OXTR: variants seen among roughly 807,000 people sequenced by gnomAD.
OXTR encodes oxytocin receptor.
Under a neutral mutation model 23.9 loss-of-function variants are expected in OXTR, and 19 were observed. The observed-to-expected ratio is 0.80, with a 90% CI of 0.56 to 1.17. The LOEUF (loss-of-function observed/expected upper bound fraction) is 1.17, where lower values mean the gene tolerates loss of function less well. Ranked by LOEUF, OXTR falls within the 50% of genes most tolerant of loss-of-function variation. The pLI, the probability that OXTR is intolerant of heterozygous loss-of-function variation, is 0.00. For synonymous variants in OXTR, 278 were observed against 250.5 expected, an observed-to-expected ratio of 1.11 and a Z score of -1.04; for missense variants, 500 against 550.7, an observed-to-expected ratio of 0.91 and a Z score of 0.92.
intron 3 of OXTR, among the ~76,000 whole-genome samples, chr3:8,766,569 T>C (rs1708612429): frequency 6.6e-6 from 1 of 152,048 alleles, no homozygotes; most frequent in Admixed American, 6.5e-5. Context: ...GTCTCAGTCC[T>C]GGGCGCTCTC....
At chr3:8,763,905 G>GT (rs558491507) in intron 3 of OXTR, among the ~76,000 whole-genome samples, 209 of 152,068 alleles carry the variant, frequency 1.4e-3, no homozygotes, top group African/African-American at 4.6e-3. Context: ...TATTGTAATA[G>GT]TTTTTTTTCC....
At chr3:8,758,513 G>A (rs1708422600) in intron 3 of OXTR, among the ~76,000 whole-genome samples, 3 of 152,132 alleles carry the variant, frequency 2.0e-5, no homozygotes, top group Admixed American at 6.5e-5. Flanking sequence ...AGGACTGTGC[G>A]GGCATCTGGG....
chr3:8,763,898 T>C (rs1305763247), intron 3 of OXTR, among the ~76,000 whole-genome samples: 1 of 152,178 alleles, frequency 6.6e-6, no homozygotes, highest in Admixed American at 6.6e-5. Context: ...TTACTATTAT[T>C]GTAATAGTTT....
intron 3 of OXTR, among the ~76,000 whole-genome samples, chr3:8,766,599 A>G (rs237897): frequency 0.65 from 97,943 of 151,322 alleles, 32,558 homozygotes; most frequent in African/African-American, 0.79. Flanking sequence ...CCTGCCCACC[A>G]CTCCTTGCAG....
downstream of OXTR, among the ~76,000 whole-genome samples, chr3:8,749,842 G>A (rs1708223014): frequency 6.6e-6 from 1 of 152,206 alleles, no homozygotes; most frequent in African/African-American, 2.4e-5. Flanking sequence ...ATGCGCGTGT[G>A]TGTGGCTATG....
Position 8,753,020 on chromosome 3 carries a change from C to T in OXTR, c.1127G>A (p.Arg376His), listed in dbSNP as rs769146293. Reference sequence around the variant, plus strand: ...GGAGCAGCTCCTCTGGCTGGAGCTGCGATGGCTCAGGACAAAGGAGGACGA... The same window carrying T: ...GGAGCAGCTCCTCTGGCTGGAGCTGTGATGGCTCAGGACAAAGGAGGACGA... ...SNSSSFVLSH[R>H]SSSQRSCSQP... Residue 376 changes from arginine to histidine, a missense_variant, in exon 4 of 4, where the codon CGC becomes CAC. Transcript: ENST00000316793. 3.6e-5 allele frequency: 58 copies of T among 1,613,866 alleles called. No homozygotes were observed. In the Admixed American group the frequency reaches 8.2e-4, roughly 23 times the overall value.
the OXTR span, chr3:8,742,326 T>C: frequency 3.6e-6 from 1 of 276,138 alleles, no homozygotes; most frequent in Non-Finnish European, 7.0e-6. Flanking sequence ...CTGGAAATAA[T>C]TCAAATGTTA....
downstream of OXTR, chr3:8,745,436 A>G (rs1420578042): frequency 2.5e-5 from 24 of 979,056 alleles, no homozygotes; most frequent in Non-Finnish European, 3.7e-5. The surrounding 1 kb of genome is among the most constrained non-coding windows in gnomAD (Gnocchi z 4.8). Flanking sequence ...CCTGACCTCT[A>G]GGGGATTCTG....
In OXTR at chr3:8,768,142, C is replaced by T. The variant is rs237906; in HGVS notation, c.46G>A (p.Ala16Thr). Residue 16 changes from alanine (A) to threonine (T), a missense_variant, in exon 3 of 4, where the codon GCC (alanine) becomes ACC (threonine). Coordinates refer to ENST00000316793, the MANE Select transcript of OXTR (RefSeq NM_000916.4). The surrounding 1 kb of genome is among the most constrained non-coding windows in gnomAD (Gnocchi z 5.4). ...TCGGCCCCCGGCGGCGCGGCGCTGG[C>T]GTTGGCTGCCTCGGCGCTCCAGTTG... Reference protein sequence around the residue: ...AANWSAEAANASAAPPGAEGN... With the variant: ...AANWSAEAANTSAAPPGAEGN... The T allele has an allele frequency of 7.5e-7, 1 of 1,340,946 alleles. No homozygotes were observed. The highest frequency in any genetic ancestry group is 3.1e-5 in the East Asian group (1 of 32,232). 83.1% of individuals were successfully genotyped at this position (1,340,946 alleles called of 1,614,324 possible). A position where few individuals can be genotyped will look rare whatever the true frequency, so the allele number is the denominator to read the frequency against.
At chr3:8,754,857 C>A (rs954559389) in intron 3 of OXTR, among the ~76,000 whole-genome samples, 2 of 152,170 alleles carry the variant, frequency 1.3e-5, no homozygotes, top group Non-Finnish European at 2.9e-5. Flanking sequence ...CCTGTTGGAA[C>A]AAGAGCAAGC....
downstream of OXTR, among the ~76,000 whole-genome samples, chr3:8,749,898 C>T (rs373369178): frequency 6.6e-6 from 1 of 152,162 alleles, no homozygotes; most frequent in African/African-American, 2.4e-5. Context: ...TATAAAGAGA[C>T]AGAGTGGATC....
chr3:8,748,194 G>A (rs1708200636), downstream of OXTR, among the ~76,000 whole-genome samples: 1 of 152,172 alleles, frequency 6.6e-6, no homozygotes, highest in Admixed American at 6.5e-5. Flanking sequence ...TGGGGCCCAG[G>A]AATCAGCATG....
In OXTR at chr3:8,753,021, G is replaced by C. The variant is rs35062132; in HGVS notation, c.1126C>G (p.Arg376Gly). 358 of 1,613,958 alleles carry C rather than the reference G, an allele frequency of 2.2e-4. 1 individual carries two copies. In the East Asian group the frequency reaches 6.5e-3, roughly 29 times the overall value. The stretch of plus-strand genomic sequence containing the variant: ...GAGCAGCTCCTCTGGCTGGAGCTGC[G>C]ATGGCTCAGGACAAAGGAGGACGAG... ...SNSSSFVLSHRSSSQRSCSQP... is the reference protein window; with the variant it reads ...SNSSSFVLSHGSSSQRSCSQP... The change falls in exon 4 of 4, where the codon CGC becomes GGC. Residue 376 changes from arginine (R) to glycine (G), a missense_variant. Arg to Gly is a moderately radical substitution (Grantham distance 125). Transcript: ENST00000316793.
intron 3 of OXTR, among the ~76,000 whole-genome samples, chr3:8,764,130 A>G (rs938215487): frequency 6.6e-6 from 1 of 152,172 alleles, no homozygotes; most frequent in African/African-American, 2.4e-5. Flanking sequence ...TGAAGCAGAG[A>G]GGGACTTCGG....
In OXTR at chr3:8,760,364, G is replaced by T. The variant is rs115560125; in HGVS notation, c.922+6902C>A. Among the ~76,000 whole-genome samples, 866 of 152,352 alleles carry T rather than the reference G, an allele frequency of 5.7e-3. 4 individuals carry two copies. The highest frequency in any genetic ancestry group is 0.02 in the African/African-American group (819 of 41,576). ...CTTGACCACACGGTCCCACATTTAT[G>T]CATGTCAGCAGCTGGCCGCAGGAGG... is the stretch of plus-strand genomic sequence containing the variant. On this transcript the variant is annotated intron_variant, in intron 3 of 3. Transcript: ENST00000316793.
rs1708594405 is a variant in OXTR at position 8,765,801 on chromosome 3, G to A, written c.922+1465C>T. On this transcript the variant is annotated intron_variant, in intron 3 of 3. Coordinates refer to ENST00000316793, the MANE Select transcript of OXTR (RefSeq NM_000916.4). ...TGGTGCAAGTGCCTTCCCCTCTCGG[G>A]GCCCTAGAACCCTCTCTGTAAGTTG... 1.3e-5 allele frequency among the ~76,000 whole-genome samples: 2 copies of A among 152,282 alleles called. 1 individual carries two copies. The highest frequency in any genetic ancestry group is 1.3e-4 in the Admixed American group (2 of 15,302).
At chr3:8,760,289 G>C (rs1016564513) in intron 3 of OXTR, among the ~76,000 whole-genome samples, 1 of 152,224 alleles carries the variant, frequency 6.6e-6, no homozygotes, top group African/African-American at 2.4e-5. Flanking sequence ...CAGAAACTGT[G>C]GGTGTCCCTC....
At chr3:8,761,039 C>G (rs753701513) in intron 3 of OXTR, among the ~76,000 whole-genome samples, 4 of 152,192 alleles carry the variant, frequency 2.6e-5, no homozygotes, top group Non-Finnish European at 5.9e-5. Context: ...GCACGTAGCA[C>G]GTGGAGGACG....
intron 3 of OXTR, among the ~76,000 whole-genome samples, chr3:8,754,542 A>G (rs968577896): frequency 2.0e-5 from 3 of 152,104 alleles, no homozygotes; most frequent in African/African-American, 7.2e-5. Flanking sequence ...CCAGGGAAGG[A>G]CTCTTCACTG....
Sources: allele counts gnomAD v4.1 joint callset (sites outside exome capture counted in the v4.1 genomes callset), GRCh38; gene constraint gnomAD v4.1.1; non-coding constraint Gnocchi (gnomAD v3.1); transcripts MANE v1.5; gene names NCBI Gene and HGNC (gene_info 2026-07-23, HGNC 2026-07-21).